KLF12: variants seen among roughly 807,000 people sequenced by gnomAD.
KLF12 encodes the protein KLF transcription factor 12.
A neutral mutation model predicts 37.8 loss-of-function variants in KLF12; 9 were observed. The observed-to-expected ratio is 0.24, with a 90% CI of 0.14 to 0.42. The LOEUF is 0.42. Among genes scored for constraint, KLF12 ranks in the 10% least tolerant of loss-of-function variants. The pLI is 1.00. For synonymous variants in KLF12, 208 were observed against 202.1 expected (o/e 1.03, Z -0.25); for missense variants, 411 against 516.0 (o/e 0.80, Z 1.97).
chr13:74,099,121 G>A (rs1248769545), intron 1 of KLF12, among the ~76,000 whole-genome samples: 1 of 152,146 alleles, frequency 6.6e-6, no homozygotes, highest in Admixed American at 6.5e-5. Flanking sequence ...GCCAAGGCAG[G>A]AGGATCGCTT....
chr13:73,795,312 T>C (rs1221325692), intron 5 of KLF12, among the ~76,000 whole-genome samples: 1 of 152,206 alleles, frequency 6.6e-6, no homozygotes, highest in Non-Finnish European at 1.5e-5. Context: ...CTGGAAATTC[T>C]CTTTGAATAC....
intron 5 of KLF12, among the ~76,000 whole-genome samples, chr13:73,788,632 G>A (rs1255151180): frequency 6.8e-6 from 1 of 147,238 alleles, no homozygotes; most frequent in Non-Finnish European, 1.5e-5. Flanking sequence ...ATCTATAAAT[G>A]CCTGCTAATT....
At chr13:73,892,455 A>G (rs1887553619) in intron 3 of KLF12, among the ~76,000 whole-genome samples, 1 of 152,200 alleles carries the variant, frequency 6.6e-6, no homozygotes, top group Non-Finnish European at 1.5e-5. Context: ...TTTGAAAGGT[A>G]TAGACATTTT....
chr13:73,931,986 T>G (rs1319562521), intron 3 of KLF12, among the ~76,000 whole-genome samples: 1 of 151,794 alleles, frequency 6.6e-6, no homozygotes, highest in East Asian at 1.9e-4. Flanking sequence ...CACAGTTGCA[T>G]TAATTTATTT....
the KLF12 span, among the ~76,000 whole-genome samples, chr13:74,185,222 T>G: frequency 6.6e-6 from 1 of 152,260 alleles, no homozygotes. Context: ...TATTTTTTCC[T>G]GTTCAATTAA....
At chr13:74,110,893 AATAAT>A (rs892677567) in intron 1 of KLF12, among the ~76,000 whole-genome samples, 5 of 152,182 alleles carry the variant, frequency 3.3e-5, no homozygotes, top group African/African-American at 1.2e-4. Context: ...AATTGACTTC[AATAAT>A]ATAAGTTACA....
chr13:74,272,969 A>G, the KLF12 span, among the ~76,000 whole-genome samples: 1 of 152,206 alleles, frequency 6.6e-6, no homozygotes, highest in African/African-American at 2.4e-5. Flanking sequence ...CAAGGACTTA[A>G]GGAGAAACTA....
the KLF12 span, among the ~76,000 whole-genome samples, chr13:74,295,564 T>C: frequency 2.0e-5 from 3 of 152,190 alleles, no homozygotes; most frequent in African/African-American, 4.8e-5. Context: ...TTATGATTTG[T>C]GCTCATGGCA....
chr13:74,195,543 C>A, the KLF12 span, among the ~76,000 whole-genome samples: 1 of 152,120 alleles, frequency 6.6e-6, no homozygotes, highest in Non-Finnish European at 1.5e-5. Flanking sequence ...TTGGTTCCTA[C>A]CTTGAGAGGC....
chr13:74,107,837 T>C (rs1018573761), intron 1 of KLF12, among the ~76,000 whole-genome samples: 12 of 152,200 alleles, frequency 7.9e-5, no homozygotes, highest in Non-Finnish European at 1.6e-4. Context: ...AAATGACCTT[T>C]AGATTCTAGT....
chr13:73,698,980 T>C (rs1381645654), intron 7 of KLF12, among the ~76,000 whole-genome samples: 2 of 152,192 alleles, frequency 1.3e-5, no homozygotes, highest in Admixed American at 6.5e-5. Flanking sequence ...ATTCAAATTC[T>C]AACAGTCCTC....
chr13:73,925,206 T>C (rs1206781652), intron 3 of KLF12, among the ~76,000 whole-genome samples: 1 of 152,222 alleles, frequency 6.6e-6, no homozygotes, highest in Non-Finnish European at 1.5e-5. Context: ...AACCTTGTAT[T>C]GGAAAAAGAT....
chr13:73,765,115 C>T, intron 5 of KLF12, 115 bp from the exon 6 acceptor site: 1 of 625,126 alleles, frequency 1.6e-6, no homozygotes, highest in South Asian at 2.1e-5. Flanking sequence ...TACAAAATCC[C>T]CAGAACTTGA....
chr13:74,019,166 G>A (rs1892776534), intron 1 of KLF12, among the ~76,000 whole-genome samples: 2 of 151,892 alleles, frequency 1.3e-5, no homozygotes, highest in Non-Finnish European at 2.9e-5. Flanking sequence ...CATATACATA[G>A]GTAAATAAAT....
intron 2 of KLF12, among the ~76,000 whole-genome samples, chr13:73,946,118 C>T (rs1566476112): frequency 6.6e-6 from 1 of 152,130 alleles, no homozygotes; most frequent in Non-Finnish European, 1.5e-5. Flanking sequence ...ACAAAGCACC[C>T]TGTAGGCTGT....
At chr13:74,116,047 G>C (rs2138953380) in intron 1 of KLF12, among the ~76,000 whole-genome samples, 1 of 152,270 alleles carries the variant, frequency 6.6e-6, no homozygotes, top group East Asian at 1.9e-4. Flanking sequence ...CATGTGCTCA[G>C]TTTTCTTACC....
the KLF12 span, among the ~76,000 whole-genome samples, chr13:74,288,583 CAGGA>C: frequency 6.6e-6 from 1 of 152,078 alleles, no homozygotes; most frequent in Non-Finnish European, 1.5e-5. Flanking sequence ...CAAGGTAGGG[CAGGA>C]AACAGTCTGA....
At chr13:74,260,185 A>G in the KLF12 span, among the ~76,000 whole-genome samples, 1 of 152,068 alleles carries the variant, frequency 6.6e-6, no homozygotes, top group South Asian at 2.1e-4. Context: ...GTCTCAGAGT[A>G]TGTGCTTTGG....
the KLF12 span, among the ~76,000 whole-genome samples, chr13:74,232,476 A>G: frequency 6.6e-6 from 1 of 152,310 alleles, no homozygotes; most frequent in African/African-American, 2.4e-5. Flanking sequence ...AGATTACTAT[A>G]AGAAACTGTC....
Sources: gnomAD v4.1 joint callset for allele counts (sites outside exome capture counted in the v4.1 genomes callset) on GRCh38, gnomAD v4.1.1 for gene constraint, MANE v1.5 for transcripts, NCBI Gene and HGNC (gene_info 2026-07-23, HGNC 2026-07-21) for gene names.